The following PZP variants were observed in gnomAD, a reference collection of about 807,000 sequenced individuals.
PZP encodes the protein pregnancy zone protein.
A neutral mutation model predicts 179.8 loss-of-function variants in PZP; 150 were observed. The observed-to-expected ratio is 0.83, with a 90% confidence interval of 0.73 to 0.96. The LOEUF is 0.96. PZP is among the 40% of genes least tolerant of loss of function. PZP has a pLI of 0.00. For missense variants in PZP, 1,689 were observed against 1,764.0 expected, an observed-to-expected ratio of 0.96 and a Z score of 0.76; for synonymous variants, 624 against 652.3, an observed-to-expected ratio of 0.96 and a Z score of 0.66.
At chr12:9,202,782 C>A in intron 2 of PZP, 98 bp from the exon 3 acceptor site, 1 of 1,178,290 alleles carries the variant, frequency 8.5e-7, no homozygotes, top group Middle Eastern at 2.8e-4. Context: ...TTCAGCTTCA[C>A]CAAGGAGAAG....
rs1031958231 is a variant in PZP at position 9,162,605 on chromosome 12, C to G, written c.2780G>C (p.Cys927Ser). 6.3e-7 allele frequency: 1 copy of G among 1,589,994 alleles called. No homozygotes were observed. The highest frequency in any genetic ancestry group is 1.1e-5 in the South Asian group (1 of 90,380). ...EQEKTFSSMT[C>S]ASGANVSEQL... The stretch of plus-strand genomic sequence containing the variant: ...TGAAGATGGACTCTTACCTGAGGCA[C>G]AGGTCATAGAACTGAAAGTCTTTTC... The change falls in exon 22 of 36, where the codon TGT becomes TCT. Residue 927 changes from cysteine (C) to serine (S), a missense_variant. By Grantham distance (112) the Cys-to-Ser change is moderately radical. Coordinates refer to ENST00000261336, the MANE Select transcript of PZP (RefSeq NM_002864.3).
chr12:9,203,577 G>C (rs1944296460), intron 2 of PZP, among the ~76,000 whole-genome samples, 191 bp downstream of exon 2: 1 of 151,970 alleles, frequency 6.6e-6, no homozygotes, highest in Non-Finnish European at 1.5e-5. Context: ...TCCTGACCTC[G>C]TGATCTGCCC....
chr12:9,168,085 A>C (rs1243509466), intron 17 of PZP, among the ~76,000 whole-genome samples: 1 of 152,206 alleles, frequency 6.6e-6, no homozygotes, highest in Non-Finnish European at 1.5e-5. Flanking sequence ...AGAAAATGCT[A>C]TTTAAACAAT....
chr12:9,151,540 G>A, intron 33 of PZP, 64 bp downstream of exon 33: 2 of 1,346,038 alleles, frequency 1.5e-6, no homozygotes, highest in Middle Eastern at 1.8e-4. Flanking sequence ...GACTATTCTA[G>A]TAAAGAGACT....
chr12:9,147,661 A>G (rs1940080547), downstream of PZP, among the ~76,000 whole-genome samples: 1 of 152,192 alleles, frequency 6.6e-6, no homozygotes, highest in African/African-American at 2.4e-5. Context: ...CTACTCTGTC[A>G]TCTTGCTGAC....
At position 9,149,545 on chromosome 12, in the gene PZP, A is replaced by G; in HGVS notation, c.4426+16T>C. On this transcript the variant is annotated intron_variant, in intron 35 of 35. Coordinates refer to ENST00000261336, the MANE Select transcript of PZP (RefSeq NM_002864.3). ...TTAATGCCATCTAGTACTGGTCATA[A>G]GTGGTGAACTCTTACCTGTGCTGCA... 8.1e-6 allele frequency: 13 copies of G among 1,609,232 alleles called. No homozygotes were observed. Among genetic ancestry groups the G allele is most frequent in the Non-Finnish European group, 1.1e-5 (13 of 1,176,656 alleles).
At chr12:9,162,475 A>G in intron 22 of PZP, 122 bp downstream of exon 22, 2 of 721,042 alleles carry the variant, frequency 2.8e-6, no homozygotes, top group Non-Finnish European at 2.4e-6. Context: ...AATATTTAGT[A>G]TTATGCTGAC....
In PZP at chr12:9,153,897, C is replaced by T. The variant is rs763753025; in HGVS notation, c.3775-554G>A. ...TGTTTAATACAATCATTTATACTCT[C>T]GATAAAATACTTTTAGAATTATGCT... On this transcript the variant is annotated intron_variant, in intron 29 of 35. Transcript: ENST00000261336. Among the ~76,000 whole-genome samples, 34 of 152,204 alleles carry T rather than the reference C, an allele frequency of 2.2e-4. 1 individual carries two copies. The highest frequency in any genetic ancestry group is 7.0e-4 in the African/African-American group (29 of 41,514).
intron 11 of PZP, among the ~76,000 whole-genome samples, chr12:9,193,267 A>G (rs1442219855): frequency 6.6e-6 from 1 of 152,090 alleles, no homozygotes. Context: ...GCACAATTCT[A>G]TTTCCCTTGT....
chr12:9,201,012 C>T lies in PZP; in HGVS notation c.550G>A (p.Ala184Thr). 6.2e-7 allele frequency: 1 copy of T among 1,614,158 alleles called. No individual in the cohort carries two copies. Among genetic ancestry groups the T allele is most frequent in the Non-Finnish European group, 8.5e-7 (1 of 1,179,986 alleles). The change falls in exon 6 of 36, where the codon GCT (alanine) becomes ACT (threonine). Residue 184 changes from alanine to threonine, a missense_variant. By Grantham distance (58) the Ala-to-Thr change is moderately conservative. Coordinates refer to ENST00000261336, the MANE Select transcript of PZP (RefSeq NM_002864.3). ...IAQWQSLKLEAGINQLSFPLS... is the reference protein window; with the variant it reads ...IAQWQSLKLETGINQLSFPLS... ...GGAAAGGACAACTGATTGATGCCAG[C>T]TTCTAGCTTGAGACTCTGCCATTGT...
chr12:9,176,476 T>G (rs114282202), intron 15 of PZP, among the ~76,000 whole-genome samples: 2,975 of 151,754 alleles, frequency 0.02, 91 homozygotes, highest in African/African-American at 0.066. Context: ...AAGAAAGAAA[T>G]AAATAAATAA....
At chr12:9,161,418 G>T (rs1941195417) in intron 22 of PZP, among the ~76,000 whole-genome samples, 1 of 152,194 alleles carries the variant, frequency 6.6e-6, no homozygotes, top group South Asian at 2.1e-4. Flanking sequence ...CAAGGAATAA[G>T]AATTTGACTT....
At chr12:9,181,551 A>G (rs764636565) in intron 14 of PZP, among the ~76,000 whole-genome samples, 1 of 152,344 alleles carries the variant, frequency 6.6e-6, no homozygotes, top group South Asian at 2.1e-4. Flanking sequence ...AACAAAATAT[A>G]GCTTCTCGGT....
At chr12:9,167,999 C>A (rs1941712277) in intron 17 of PZP, among the ~76,000 whole-genome samples, 1 of 152,126 alleles carries the variant, frequency 6.6e-6, no homozygotes, top group Non-Finnish European at 1.5e-5. Context: ...CAGTCCATGG[C>A]CCTTTAAAAG....
Position 9,152,214 on chromosome 12 carries a change from AC to A in PZP, c.4212+5del. 1 of 1,573,188 alleles carries A rather than the reference AC, an allele frequency of 6.4e-7. No individual in the cohort carries two copies. The highest frequency in any genetic ancestry group is 2.2e-5 in the East Asian group (1 of 44,622). Reference sequence around the variant, plus strand: ...ATGAAGTCTATTAGGATTAAAATACACCTACCATTTTTACTGTTGGTTTCAG... The same window carrying A: ...ATGAAGTCTATTAGGATTAAAATACACTACCATTTTTACTGTTGGTTTCAG... On this transcript the variant is annotated splice_donor_5th_base_variant and intron_variant, in intron 32 of 35. Transcript: ENST00000261336.
chr12:9,159,962 T>C lies in PZP; in HGVS notation c.3113A>G (p.Tyr1038Cys), dbSNP rs367840514. Reference sequence around the variant, plus strand: ...CCAAGTGTTGCCCTGGTTCCTGCCATATCGTTCCCCAAAGGTGCTGTAGGA... The same window carrying C: ...CCAAGTGTTGCCCTGGTTCCTGCCACATCGTTCCCCAAAGGTGCTGTAGGA... ...DGSYSTFGER[Y>C]GRNQGNTWLT... Residue 1038 changes from tyrosine (Y) to cysteine (C), a missense_variant, in exon 25 of 36, where the codon TAT becomes TGT. By Grantham distance (194) the Tyr-to-Cys change is radical. Around this residue, in one of 3 missense-constraint regions of PZP, gnomAD observed 746 missense variants for 749.2 expected, o/e 1.00. Coordinates refer to ENST00000261336, the MANE Select transcript of PZP (RefSeq NM_002864.3). 1 of 1,613,724 alleles carries C rather than the reference T, an allele frequency of 6.2e-7. No homozygotes were observed. Among genetic ancestry groups the C allele is most frequent in the Non-Finnish European group, 8.5e-7 (1 of 1,179,670 alleles).
At position 9,148,896 on chromosome 12, in the gene PZP, G is replaced by C. The variant is rs887250585; in HGVS notation, c.*76C>G. 7.7e-6 allele frequency: 10 copies of C among 1,304,910 alleles called. No individual in the cohort carries two copies. The highest frequency in any genetic ancestry group is 9.8e-6 in the Non-Finnish European group (9 of 914,550). 80.8% of individuals were successfully genotyped at this position (1,304,910 alleles called of 1,614,324 possible). Reference sequence around the variant, plus strand: ...AAATATTTTTAGTGTCTATTTTATAGAGACAAATAACTCCATTCCTTCTAA... The same window carrying C: ...AAATATTTTTAGTGTCTATTTTATACAGACAAATAACTCCATTCCTTCTAA... On this transcript the variant is annotated 3_prime_UTR_variant, in exon 36 of 36. Transcript: ENST00000261336.
intron 13 of PZP, among the ~76,000 whole-genome samples, chr12:9,183,925 A>T (rs932139279): frequency 5.3e-5 from 8 of 152,212 alleles, no homozygotes. Flanking sequence ...ATTTGTGTTC[A>T]GTTGGACAGA....
At chr12:9,166,501 T>C (rs1441701582) in intron 17 of PZP, among the ~76,000 whole-genome samples, 1 of 152,184 alleles carries the variant, frequency 6.6e-6, no homozygotes, top group East Asian at 1.9e-4. Context: ...AGGACCAATT[T>C]TGAAATTGAG....
Sources: allele counts gnomAD v4.1 joint callset (sites outside exome capture counted in the v4.1 genomes callset), GRCh38; gene constraint gnomAD v4.1.1; regional missense constraint gnomAD v4.1.1; transcripts MANE v1.5; gene names NCBI Gene and HGNC (gene_info 2026-07-23, HGNC 2026-07-21).